Variants in CRYM observed in about 807,000 individuals in gnomAD.
The protein encoded by CRYM is ketimine reductase mu-crystallin.
Under a neutral mutation model 32.9 loss-of-function variants are expected in CRYM, and 18 were observed. The ratio of observed to expected loss-of-function variants is 0.55; its 90% CI spans 0.38 to 0.81. CRYM has a LOEUF of 0.81. Ranked by LOEUF, CRYM falls within the 30% of genes least tolerant of loss-of-function variation. The probability of loss-of-function intolerance (pLI) is 0.00; values close to 1 mark genes in which losing one functional copy is unlikely to be tolerated. For synonymous variants in CRYM, 153 were observed against 152.4 expected, an observed-to-expected ratio of 1.00 and a Z score of -0.03; for missense variants, 337 against 393.5, an observed-to-expected ratio of 0.86 and a Z score of 1.21.
chr16:21,261,249 C>G lies in CRYM; in HGVS notation c.880+5G>C. The stretch of plus-strand genomic sequence containing the variant: ...GATTTGTGCCCAGGGAGCAATGGAT[C>G]TTACCCAAAGACTTGAACACGGTGG... On this transcript the variant is annotated splice_donor_5th_base_variant and intron_variant, in intron 7 of 7. Coordinates refer to ENST00000572914, the MANE Select transcript of CRYM (RefSeq NM_001376256.1). 1 of 1,612,232 alleles carries G rather than the reference C, an allele frequency of 6.2e-7. No individual in the cohort carries two copies. The highest frequency in any genetic ancestry group is 8.5e-7 in the Non-Finnish European group (1 of 1,178,452).
intron 1 of CRYM, among the ~76,000 whole-genome samples, chr16:21,291,199 A>G (rs1417058590): frequency 2.6e-5 from 4 of 152,132 alleles, no homozygotes; most frequent in Non-Finnish European, 5.9e-5. Context: ...ACTTTTAAAA[A>G]CTTTCTGCTT....
intron 5 of CRYM, among the ~76,000 whole-genome samples, chr16:21,267,031 T>G (rs1246540230): frequency 6.6e-6 from 1 of 152,078 alleles, no homozygotes; most frequent in Non-Finnish European, 1.5e-5. Context: ...AACTTACATT[T>G]TATAGAACAT....
intron 1 of CRYM, chr16:21,299,820 CA>C (rs1960867599): frequency 1.3e-5 from 2 of 152,230 alleles, no homozygotes. Context: ...TCCACCCCTT[CA>C]AGTATATAGT....
chr16:21,262,193 T>A, intron 5 of CRYM, 35 bp from the exon 6 acceptor site: 2 of 1,613,482 alleles, frequency 1.2e-6, no homozygotes, highest in Non-Finnish European at 1.7e-6. Context: ...AAGCCCAGGA[T>A]TAGTGCCAAA....
In CRYM at chr16:21,267,707, C is replaced by T. The variant is rs2093367066; in HGVS notation, c.520G>A (p.Ala174Thr). The T allele has an allele frequency of 1.2e-6, 2 of 1,614,244 alleles. No individual in the cohort carries two copies. The highest frequency in any genetic ancestry group is 1.1e-5 in the South Asian group (1 of 91,084). The change falls in exon 5 of 8, where the codon GCA (alanine) becomes ACA (threonine). Residue 174 changes from alanine to threonine, a missense_variant. Ala to Thr is a moderately conservative substitution (Grantham distance 58). Coordinates refer to ENST00000572914, the MANE Select transcript of CRYM (RefSeq NM_001376256.1). ...VRIWNRTKEN[A>T]EKFADTVQGE... is the part of the protein sequence containing the mutation. ...TGCACTGTGTCTGCAAACTTCTCTGCATTTTCTTTGGTGCGGTTCCATATC... is the reference window on the plus strand; with the variant it reads ...TGCACTGTGTCTGCAAACTTCTCTGTATTTTCTTTGGTGCGGTTCCATATC...
upstream of CRYM, among the ~76,000 whole-genome samples, chr16:21,279,990 T>C (rs768345329): frequency 5.9e-5 from 9 of 152,210 alleles, no homozygotes; most frequent in Non-Finnish European, 1.2e-4. Context: ...TCCCTAGAAA[T>C]TTATGCCCAG....
chr16:21,278,009 C>T (rs1347603820), intron 1 of CRYM, 73 bp downstream of exon 1: 5 of 1,469,194 alleles, frequency 3.4e-6, no homozygotes, highest in African/African-American at 1.4e-5. Flanking sequence ...CTTCTCCCAC[C>T]CCTCCTCTTC....
At chr16:21,267,948 C>T (rs766937406) in intron 4 of CRYM, among the ~76,000 whole-genome samples, 14 of 152,190 alleles carry the variant, frequency 9.2e-5, no homozygotes, top group Admixed American at 4.6e-4. Context: ...TGAAAATCAG[C>T]GTTCTCTACC....
At chr16:21,278,376 G>A (rs1243583885), upstream of CRYM, 1 of 1,288,526 alleles carries the variant, frequency 7.8e-7, no homozygotes, top group Non-Finnish European at 1.1e-6. Flanking sequence ...GCCTCCGGGG[G>A]CGGAGCAACC....
At position 21,277,314 on chromosome 16, in the gene CRYM, C is replaced by T; in HGVS notation, c.324+117G>A. 1 of 1,078,970 alleles carries T rather than the reference C, an allele frequency of 9.3e-7. No homozygotes were observed. The highest frequency in any genetic ancestry group is 1.4e-6 in the Non-Finnish European group (1 of 731,700). 66.8% of individuals were successfully genotyped at this position (1,078,970 alleles called of 1,614,324 possible). On this transcript the variant is annotated intron_variant, in intron 2 of 7. Transcript: ENST00000572914. The surrounding 1 kb of genome is among the most constrained non-coding windows in gnomAD (Gnocchi z 4.2). Reference sequence around the variant, plus strand: ...CTTCACTGTTGCTGGTATCCAGTCACTTGCAGAGGGGCACGCGTAGTCACA... The same window carrying T: ...CTTCACTGTTGCTGGTATCCAGTCATTTGCAGAGGGGCACGCGTAGTCACA...
intron 3 of CRYM, among the ~76,000 whole-genome samples, chr16:21,270,289 TTTC>T (rs2093372534): frequency 6.6e-6 from 1 of 152,110 alleles, no homozygotes; most frequent in Admixed American, 6.5e-5. Context: ...CTTTCTTTCT[TTTC>T]TTTTTTTTTG....
intron 4 of CRYM, chr16:21,268,663 T>C (rs747734688): frequency 3.3e-5 from 5 of 152,154 alleles, no homozygotes; most frequent in Admixed American, 6.5e-5. Context: ...ACTATGCAAA[T>C]TTTATGCAAA....
At chr16:21,267,821 T>C (rs2093367409) in intron 4 of CRYM, 84 bp from the exon 5 acceptor site, 1 of 1,363,036 alleles carries the variant, frequency 7.3e-7, no homozygotes, top group Non-Finnish European at 1.0e-6. Flanking sequence ...GGAGGGAAAG[T>C]TGAACTACTC....
intron 1 of CRYM, among the ~76,000 whole-genome samples, chr16:21,290,415 G>T (rs1163627119): frequency 6.6e-6 from 1 of 152,042 alleles, no homozygotes; most frequent in Admixed American, 6.6e-5. Context: ...CAAACCCACT[G>T]GAAGGAAGAA....
Position 21,275,585 on chromosome 16 carries a change from C to T in CRYM, c.334G>A (p.Gly112Arg). 2 of 1,613,908 alleles carry T rather than the reference C, an allele frequency of 1.2e-6. No individual in the cohort carries two copies. Among genetic ancestry groups the T allele is most frequent in the Non-Finnish European group, 1.7e-6 (2 of 1,179,808 alleles). The change falls in exon 3 of 8, where the codon GGA becomes AGA. Residue 112 changes from glycine (G) to arginine (R), a missense_variant. Coordinates refer to ENST00000572914, the MANE Select transcript of CRYM (RefSeq NM_001376256.1). ...SNGTLLAVMD[G>R]NVITAKRTAA... ...GTTCTCTTTGCAGTTATGACATTTC[C>T]ATCCATGACCTTGGAGGAAAAGAGA...
chr16:21,286,771 G>A (rs929641218), intron 1 of CRYM, among the ~76,000 whole-genome samples: 1 of 151,960 alleles, frequency 6.6e-6, no homozygotes, highest in Non-Finnish European at 1.5e-5. Context: ...GTCTCTCTTG[G>A]ACATCTAGGA....
At chr16:21,299,619 T>A (rs1361783148) in intron 1 of CRYM, among the ~76,000 whole-genome samples, 1 of 152,238 alleles carries the variant, frequency 6.6e-6, no homozygotes, top group Non-Finnish European at 1.5e-5. Context: ...CACATTAGAC[T>A]TTTAGAAGGC....
intron 1 of CRYM, among the ~76,000 whole-genome samples, chr16:21,292,739 G>A (rs964912857): frequency 3.3e-5 from 5 of 151,616 alleles, no homozygotes; most frequent in African/African-American, 7.3e-5. Context: ...ATGGATGGAT[G>A]GATAGATAGA....
At chr16:21,270,518 A>G (rs2152862414) in intron 3 of CRYM, among the ~76,000 whole-genome samples, 1 of 152,268 alleles carries the variant, frequency 6.6e-6, no homozygotes, top group South Asian at 2.1e-4. Flanking sequence ...TCCTGACCTC[A>G]GGTGATCTGT....
Sources: allele counts gnomAD v4.1 joint callset (sites outside exome capture counted in the v4.1 genomes callset), GRCh38; gene constraint gnomAD v4.1.1; non-coding constraint Gnocchi (gnomAD v3.1); transcripts MANE v1.5; gene names NCBI Gene and HGNC (gene_info 2026-07-23, HGNC 2026-07-21).